Variants in CYRIA observed in about 807,000 individuals in gnomAD.
The protein encoded by CYRIA is CYFIP related Rac1 interactor A, also known as CYFIP-related Rac1 interactor A.
Under a neutral mutation model 43.9 loss-of-function variants are expected in CYRIA, and 15 were observed. The ratio of observed to expected loss-of-function variants is 0.34; its 90% confidence interval spans 0.23 to 0.53. The LOEUF (loss-of-function observed/expected upper bound fraction) is 0.53. Ranked by LOEUF, CYRIA falls within the 20% of genes least tolerant of loss-of-function variation. The pLI is 0.94. For missense variants in CYRIA, 236 were observed against 394.2 expected (o/e 0.60, Z 3.40); for synonymous variants, 117 against 136.0 (o/e 0.86, Z 0.97).
intron 2 of CYRIA, among the ~76,000 whole-genome samples, chr2:16,591,921 C>T (rs541039648): frequency 4.6e-4 from 70 of 152,190 alleles, no homozygotes; most frequent in Non-Finnish European, 5.9e-4. Context: ...CAATGACTCC[C>T]TTGGCATCTT....
chr2:16,618,780 C>T (rs993060069), intron 2 of CYRIA, among the ~76,000 whole-genome samples: 1 of 152,160 alleles, frequency 6.6e-6, no homozygotes, highest in Non-Finnish European at 1.5e-5. Context: ...AGCATGTGAG[C>T]GGACCCCCGA....
chr2:16,621,362 C>T (rs1668989288), intron 2 of CYRIA, among the ~76,000 whole-genome samples: 1 of 152,142 alleles, frequency 6.6e-6, no homozygotes, highest in African/African-American at 2.4e-5. Context: ...ATGCAACTTC[C>T]CCAAGAAACC....
intron 2 of CYRIA, 51 bp from the exon 3 acceptor site, chr2:16,588,180 G>C (rs1427540124): frequency 8.0e-7 from 1 of 1,256,954 alleles, no homozygotes; most frequent in African/African-American, 1.5e-5. Flanking sequence ...AAAAAAAATA[G>C]ACTTGCGTGA....
intron 3 of CYRIA, among the ~76,000 whole-genome samples, chr2:16,575,793 T>C (rs1413068774): frequency 2.0e-5 from 3 of 151,630 alleles, no homozygotes; most frequent in African/African-American, 7.3e-5. Context: ...GAGGCGGAGC[T>C]TGCAGTGAGC....
chr2:16,587,585 G>T (rs1667776577), intron 3 of CYRIA, among the ~76,000 whole-genome samples: 2 of 152,058 alleles, frequency 1.3e-5, no homozygotes, highest in South Asian at 4.1e-4. Context: ...CATAGTGACT[G>T]ATATGATTTG....
At chr2:16,568,227 GAAA>G (rs71400699) in intron 3 of CYRIA, among the ~76,000 whole-genome samples, 1,969 of 88,730 alleles carry the variant, frequency 0.022, 44 homozygotes, top group African/African-American at 0.07. Flanking sequence ...TTCAAAATCA[GAAA>G]AAAAAAAAAA....
At chr2:16,606,490 T>C (rs1431539617) in intron 2 of CYRIA, among the ~76,000 whole-genome samples, 8 of 151,382 alleles carry the variant, frequency 5.3e-5, no homozygotes, top group African/African-American at 1.7e-4. Context: ...ATGTCACATA[T>C]ACAACTAATT....
intron 1 of CYRIA, among the ~76,000 whole-genome samples, chr2:16,653,890 C>T (rs1403937622): frequency 2.0e-5 from 3 of 152,176 alleles, no homozygotes; most frequent in South Asian, 2.1e-4. Context: ...ACGAAGCTAA[C>T]GCATAGTATT....
At chr2:16,588,858 C>T (rs1026524296) in intron 2 of CYRIA, among the ~76,000 whole-genome samples, 7 of 152,004 alleles carry the variant, frequency 4.6e-5, no homozygotes, top group Non-Finnish European at 1.0e-4. Flanking sequence ...AGGCATAATG[C>T]CCAAAAAGTT....
chr2:16,654,863 G>T (rs1454919237), intron 1 of CYRIA, among the ~76,000 whole-genome samples: 1 of 152,156 alleles, frequency 6.6e-6, no homozygotes, highest in Non-Finnish European at 1.5e-5. Flanking sequence ...ACTGGACTGG[G>T]CAAGCTATAA....
chr2:16,623,844 G>A lies in CYRIA; in HGVS notation c.-11+20C>T, dbSNP rs1243671576. On this transcript the variant is annotated intron_variant, in intron 2 of 11. Transcript: ENST00000381323. ...TTATCAGTGTGCTACACGTTATAAC[G>A]AAAGTCAATTGTTTCTTACCTGGAA... The A allele has an allele frequency of 6.6e-6, 1 of 152,138 alleles. No homozygotes were observed. The highest frequency in any genetic ancestry group is 1.5e-5 in the Non-Finnish European group (1 of 68,024). 9.4% of individuals were successfully genotyped at this position (152,138 alleles called of 1,614,324 possible).
At chr2:16,561,749 C>T (rs928273568) in intron 6 of CYRIA, among the ~76,000 whole-genome samples, 5 of 152,166 alleles carry the variant, frequency 3.3e-5, no homozygotes, top group African/African-American at 1.2e-4. Flanking sequence ...TATTTGGTCT[C>T]AATGTGGAAC....
chr2:16,641,557 CT>C (rs1341047382), intron 1 of CYRIA, among the ~76,000 whole-genome samples: 1 of 152,234 alleles, frequency 6.6e-6, no homozygotes, highest in Admixed American at 6.5e-5. Context: ...CAATCCCTTT[CT>C]TTTGCTGTAA....
intron 2 of CYRIA, among the ~76,000 whole-genome samples, chr2:16,600,325 A>G (rs1668161230): frequency 6.6e-6 from 1 of 152,206 alleles, no homozygotes; most frequent in South Asian, 2.1e-4. Flanking sequence ...TGACAGCAAA[A>G]TAAAAGGAAA....
intron 1 of CYRIA, among the ~76,000 whole-genome samples, chr2:16,651,263 G>A (rs996390512): frequency 2.6e-5 from 4 of 152,110 alleles, no homozygotes; most frequent in Non-Finnish European, 4.4e-5. Context: ...AAGCCTCCTC[G>A]TACCTGGAGC....
chr2:16,603,592 C>G (rs997001118), intron 2 of CYRIA, among the ~76,000 whole-genome samples: 6 of 152,216 alleles, frequency 3.9e-5, no homozygotes, highest in African/African-American at 1.4e-4. Flanking sequence ...ACAAAAGCCA[C>G]TCTTCTGAGT....
At chr2:16,603,798 A>G (rs1668287369) in intron 2 of CYRIA, among the ~76,000 whole-genome samples, 1 of 152,214 alleles carries the variant, frequency 6.6e-6, no homozygotes, top group African/African-American at 2.4e-5. Context: ...AATCCTTAGG[A>G]TTGTTCTGAC....
chr2:16,579,131 A>C (rs1236222688), intron 3 of CYRIA, among the ~76,000 whole-genome samples: 2 of 152,210 alleles, frequency 1.3e-5, no homozygotes, highest in Non-Finnish European at 2.9e-5. Flanking sequence ...AAGAAAAACA[A>C]AGCAAACAAT....
At chr2:16,565,175 C>CTTT (rs367672971) in intron 4 of CYRIA, among the ~76,000 whole-genome samples, 1 of 139,690 alleles carries the variant, frequency 7.2e-6, no homozygotes. Context: ...GATTCATGCT[C>CTTT]TTTTTTTTTT....
Sources: allele counts gnomAD v4.1 joint callset (sites outside exome capture counted in the v4.1 genomes callset), GRCh38; gene constraint gnomAD v4.1.1; transcripts MANE v1.5; gene names NCBI Gene and HGNC (gene_info 2026-07-23, HGNC 2026-07-21).